Variants in PHKB observed in about 807,000 individuals in gnomAD.
PHKB encodes the protein phosphorylase b kinase regulatory subunit beta.
In PHKB, 122 loss-of-function variants were observed where a neutral mutation model predicts 152.1. The observed-to-expected ratio is 0.80, with a 90% CI of 0.69 to 0.93. The LOEUF is 0.93. Among genes scored for constraint, PHKB ranks in the 40% least tolerant of loss-of-function variants. PHKB has a pLI of 0.00. For synonymous variants in PHKB, 436 were observed against 464.9 expected (o/e 0.94, Z 0.80); for missense variants, 1,304 against 1,328.4 (o/e 0.98, Z 0.29).
chr16:47,687,424 G>A (rs1256075432), intron 26 of PHKB, among the ~76,000 whole-genome samples: 2 of 152,176 alleles, frequency 1.3e-5, no homozygotes, highest in African/African-American at 4.8e-5. Context: ...TGAGGACGAT[G>A]TAAAGAAAGC....
intron 7 of PHKB, among the ~76,000 whole-genome samples, chr16:47,560,325 A>G (rs1275701708): frequency 6.6e-6 from 1 of 152,208 alleles, no homozygotes; most frequent in Non-Finnish European, 1.5e-5. Context: ...AAATGTTGAG[A>G]GATATTAAAG....
intron 7 of PHKB, among the ~76,000 whole-genome samples, chr16:47,563,626 A>G (rs1404355760): frequency 6.6e-6 from 1 of 152,064 alleles, no homozygotes; most frequent in Non-Finnish European, 1.5e-5. Flanking sequence ...TTCTTTCTTA[A>G]TATTTGAACC....
At position 47,700,513 on chromosome 16, in the gene PHKB, A is replaced by G. The variant is rs1202617613; in HGVS notation, c.*1147A>G. 2 of 152,156 alleles carry G rather than the reference A, an allele frequency of 1.3e-5. No homozygotes were observed. The highest frequency in any genetic ancestry group is 4.8e-5 in the African/African-American group (2 of 41,438). The allele number at this position is 152,156 out of a possible 1,614,324, so 9.4% of individuals were successfully genotyped here. ...CCTAGGTTCACAAGATTGAGCTTCA[A>G]ACTCCCGAGTGTTTTCATTTAATTG... On this transcript the variant is annotated 3_prime_UTR_variant, in exon 31 of 31. Coordinates refer to ENST00000323584, the MANE Select transcript of PHKB (RefSeq NM_000293.3).
intron 14 of PHKB, among the ~76,000 whole-genome samples, chr16:47,640,016 T>C (rs1354459491): frequency 1.3e-5 from 2 of 152,260 alleles, no homozygotes; most frequent in South Asian, 2.1e-4. Context: ...GATTGTTAAA[T>C]CACATTTTCT....
In PHKB at chr16:47,660,798, C is replaced by G. The variant is rs17853186; in HGVS notation, c.2175C>G (p.His725Gln). Reference sequence around the variant, plus strand: ...GTGAATGGAAGGACAAACCCACCCACGAAATTCTTCAAAAACTGAATGTGA... The same window carrying G: ...GTGAATGGAAGGACAAACCCACCCAGGAAATTCTTCAAAAACTGAATGTGA... ...NISEWKDKPT[H>Q]EILQKLNDCS... Residue 725 changes from histidine to glutamine, a missense_variant, in exon 22 of 31, where the codon CAC becomes CAG. By Grantham distance (24) the His-to-Gln change is conservative. Coordinates refer to ENST00000323584, the MANE Select transcript of PHKB (RefSeq NM_000293.3). 1.9e-6 allele frequency: 3 copies of G among 1,613,846 alleles called. No individual in the cohort carries two copies. Among genetic ancestry groups the G allele is most frequent in the Non-Finnish European group, 2.5e-6 (3 of 1,179,920 alleles).
rs147273848 is a variant in PHKB, at chr16:47,622,633, C to T, written c.1458+11713C>T. Among the ~76,000 whole-genome samples the T allele has an allele frequency of 7.5e-3, 1,137 of 152,312 alleles. 19 individuals carry two copies. Among genetic ancestry groups the T allele is most frequent in the African/African-American group, 0.026 (1,077 of 41,568 alleles). ...ATTCAGTGACACCCAAGCTTTGAAT[C>T]TGTGAAGTAGACTAGCCCATTTAAT... is the stretch of plus-strand genomic sequence containing the variant. On this transcript the variant is annotated intron_variant, in intron 14 of 30. Transcript: ENST00000323584.
At chr16:47,683,324 CTGCCGTCTT>C (rs1973898683) in intron 26 of PHKB, among the ~76,000 whole-genome samples, 1 of 152,250 alleles carries the variant, frequency 6.6e-6, no homozygotes, top group Non-Finnish European at 1.5e-5. Flanking sequence ...GCAGAGGTTA[CTGCCGTCTT>C]TTTGTTTGTC....
At chr16:47,631,833 A>G (rs1597137588) in intron 14 of PHKB, among the ~76,000 whole-genome samples, 1 of 152,084 alleles carries the variant, frequency 6.6e-6, no homozygotes, top group African/African-American at 2.4e-5. Context: ...GCTGTATGGT[A>G]TTCCGTGGTG....
intron 6 of PHKB, among the ~76,000 whole-genome samples, chr16:47,534,793 A>G (rs1424143745): frequency 6.6e-6 from 1 of 152,244 alleles, no homozygotes; most frequent in Non-Finnish European, 1.5e-5. Flanking sequence ...GCTTTAAGAA[A>G]GTCACAACAT....
intron 7 of PHKB, chr16:47,565,519 T>C: frequency 7.8e-7 from 1 of 1,285,320 alleles, no homozygotes; most frequent in Non-Finnish European, 1.1e-6. Context: ...CTGATCAGGT[T>C]TGGGAGTTTT....
chr16:47,594,858 T>C (rs1027528126), intron 12 of PHKB, among the ~76,000 whole-genome samples: 2 of 152,166 alleles, frequency 1.3e-5, no homozygotes, highest in Non-Finnish European at 2.9e-5. Flanking sequence ...CTAGATGTCT[T>C]TGGGGCTTTA....
intron 26 of PHKB, among the ~76,000 whole-genome samples, chr16:47,687,032 C>T (rs1263377357): frequency 6.6e-6 from 1 of 152,120 alleles, no homozygotes; most frequent in Non-Finnish European, 1.5e-5. Context: ...TCTCTTAAAT[C>T]ACTTCATCTA....
chr16:47,482,812 C>G lies in PHKB; in HGVS notation c.77-14587C>G, dbSNP rs184521850. ...CTCCGCTCACTGCAACCTCTGCCTC[C>G]TGGGCTCAAGCGATTCTCCCACCTC... On this transcript the variant is annotated intron_variant, in intron 1 of 30. Coordinates refer to ENST00000323584, the MANE Select transcript of PHKB (RefSeq NM_000293.3). Among the ~76,000 whole-genome samples, 500 of 152,092 alleles carry G rather than the reference C, an allele frequency of 3.3e-3. 3 individuals are homozygous for G. The highest frequency in any genetic ancestry group is 0.012 in the African/African-American group (479 of 41,494).
intron 26 of PHKB, among the ~76,000 whole-genome samples, chr16:47,669,848 A>C (rs1214397840): frequency 6.6e-6 from 1 of 152,218 alleles, no homozygotes; most frequent in Non-Finnish European, 1.5e-5. Flanking sequence ...TTCTACTGAA[A>C]TCTATTAATT....
Position 47,497,623 on chromosome 16 carries a change from G to A in PHKB, c.166+135G>A, listed in dbSNP as rs1970255082. Reference sequence around the variant, plus strand: ...TTGGGGTACTTTCAGTGCTTAAGTAGCTGTGTATTCCAATTGTATGTCGAT... The same window carrying A: ...TTGGGGTACTTTCAGTGCTTAAGTAACTGTGTATTCCAATTGTATGTCGAT... On this transcript the variant is annotated intron_variant, in intron 2 of 30. Coordinates refer to ENST00000323584, the MANE Select transcript of PHKB (RefSeq NM_000293.3). The A allele has an allele frequency of 1.2e-5, 8 of 683,600 alleles. No individual in the cohort carries two copies. The South Asian group carries it at 1.2e-4, about 11-fold the overall frequency. 42.3% of individuals were successfully genotyped at this position (683,600 alleles called of 1,614,324 possible). A position where few individuals can be genotyped will look rare whatever the true frequency, so the allele number is the denominator to read the frequency against.
At chr16:47,553,366 CTG>C (rs1172403230) in intron 7 of PHKB, among the ~76,000 whole-genome samples, 1 of 152,002 alleles carries the variant, frequency 6.6e-6, no homozygotes, top group Non-Finnish European at 1.5e-5. Flanking sequence ...AGTTCTCGTA[CTG>C]TGTTTTTCAG....
At chr16:47,524,975 A>G (rs1970742988) in intron 6 of PHKB, among the ~76,000 whole-genome samples, 1 of 152,202 alleles carries the variant, frequency 6.6e-6, no homozygotes, top group Non-Finnish European at 1.5e-5. Flanking sequence ...GAATTTTTAA[A>G]TCAAGTTATA....
chr16:47,625,644 C>T (rs921500188), intron 14 of PHKB, among the ~76,000 whole-genome samples: 1 of 152,196 alleles, frequency 6.6e-6, no homozygotes, highest in African/African-American at 2.4e-5. Flanking sequence ...GAGTTACTTT[C>T]TGACCATCAA....
chr16:47,598,590 C>G (rs1972164435), intron 13 of PHKB: 2 of 965,758 alleles, frequency 2.1e-6, no homozygotes, highest in Non-Finnish European at 3.2e-6. Context: ...TGAACACGCC[C>G]TCGATATAGC....
Sources: allele counts gnomAD v4.1 joint callset (sites outside exome capture counted in the v4.1 genomes callset), GRCh38; gene constraint gnomAD v4.1.1; transcripts MANE v1.5; gene names NCBI Gene and HGNC (gene_info 2026-07-23, HGNC 2026-07-21).